IQGAP2: variants seen among roughly 807,000 people sequenced by gnomAD.
The protein encoded by IQGAP2 is ras GTPase-activating-like protein IQGAP2.
A neutral mutation model predicts 201.3 loss-of-function variants in IQGAP2; 173 were observed. The observed-to-expected ratio is 0.86, with a 90% CI of 0.76 to 0.98. The LOEUF is 0.98. IQGAP2 is among the 50% of genes least tolerant of loss of function. The probability of loss-of-function intolerance (pLI) is 0.00; values close to 1 mark genes in which losing one functional copy is unlikely to be tolerated. For missense variants in IQGAP2, 1,687 were observed against 1,864.8 expected (o/e 0.90, Z 1.76); for synonymous variants, 675 against 673.9 (o/e 1.00, Z -0.03).
chr5:76,645,757 T>A (rs2059219), intron 17 of IQGAP2, among the ~76,000 whole-genome samples: 94,293 of 151,630 alleles, frequency 0.62, 29,447 homozygotes, highest in South Asian at 0.78. Flanking sequence ...TACCAGAAAA[T>A]TTTACATAAA....
At chr5:76,566,557 T>C (rs1485689657) in intron 3 of IQGAP2, among the ~76,000 whole-genome samples, 2 of 152,128 alleles carry the variant, frequency 1.3e-5, no homozygotes, top group Non-Finnish European at 2.9e-5. Context: ...GATTTCATGC[T>C]ATGTTGAGGG....
intron 2 of IQGAP2, among the ~76,000 whole-genome samples, chr5:76,500,262 A>G (rs779632387): frequency 8.5e-5 from 13 of 152,230 alleles, no homozygotes; most frequent in Non-Finnish European, 1.5e-4. Flanking sequence ...GAATGCAGAT[A>G]CTGATTTAGA....
At chr5:76,442,585 C>G (rs1160873255) in intron 1 of IQGAP2, among the ~76,000 whole-genome samples, 2 of 152,134 alleles carry the variant, frequency 1.3e-5, no homozygotes, top group Non-Finnish European at 2.9e-5. Flanking sequence ...GCTACCTTGC[C>G]CAGGGATAAA....
intron 12 of IQGAP2, 100 bp downstream of exon 12, chr5:76,606,403 C>A: frequency 9.5e-7 from 1 of 1,049,468 alleles, no homozygotes; most frequent in South Asian, 2.2e-5. Context: ...GCTCAAGGAA[C>A]TTTGTGAGAG....
intron 9 of IQGAP2, among the ~76,000 whole-genome samples, chr5:76,594,130 T>C (rs557823244): frequency 6.6e-6 from 1 of 152,170 alleles, no homozygotes; most frequent in South Asian, 2.1e-4. Flanking sequence ...ATCTTGAACA[T>C]GTTACTGATG....
rs1051111210 is a variant in IQGAP2 at position 76,702,607 on chromosome 5, T to C, written c.4614+17T>C. Reference sequence around the variant, plus strand: ...AATATTCAGGTAAGCTGCTGGAATTTCTGCACATTGATGATAAATTTTATA... The same window carrying C: ...AATATTCAGGTAAGCTGCTGGAATTCCTGCACATTGATGATAAATTTTATA... On this transcript the variant is annotated intron_variant, in intron 35 of 35. Transcript: ENST00000274364. The C allele has an allele frequency of 5.2e-6, 6 of 1,152,998 alleles. No individual in the cohort carries two copies. The African/African-American group carries it at 7.6e-5, about 15-fold the overall frequency. The allele number at this position is 1,152,998 out of a possible 1,614,324, so 71.4% of individuals were successfully genotyped here. A position where few individuals can be genotyped will look rare whatever the true frequency, so the allele number is the denominator to read the frequency against.
At chr5:76,513,989 T>G (rs1215276790) in intron 2 of IQGAP2, among the ~76,000 whole-genome samples, 1 of 148,618 alleles carries the variant, frequency 6.7e-6, no homozygotes, top group Non-Finnish European at 1.5e-5. Context: ...AACCTAAAAC[T>G]GCTCAAAAGT....
In IQGAP2 at chr5:76,683,162, ACTGAGTGAATTG is replaced by A. The variant is rs746191896; in HGVS notation, c.3712_3723del (p.Ser1238_Leu1241del). ...CAATTGCCCCTGAGAAAAATGACTT[ACTGAGTGAATTG>A]CTGGGGTCGCTGGGAGAGGTGCCAA... On this transcript the variant is annotated inframe_deletion, in exon 29 of 36. Transcript: ENST00000274364. 1 of 1,612,878 alleles carries A rather than the reference ACTGAGTGAATTG, an allele frequency of 6.2e-7. No individual in the cohort carries two copies. Among genetic ancestry groups the A allele is most frequent in the South Asian group, 1.1e-5 (1 of 90,910 alleles).
intron 20 of IQGAP2, among the ~76,000 whole-genome samples, chr5:76,657,043 T>A (rs1234573109): frequency 1.3e-5 from 2 of 152,192 alleles, no homozygotes; most frequent in Non-Finnish European, 2.9e-5. Flanking sequence ...TCTGATTTCC[T>A]GAAATTAAAA....
At chr5:76,431,072 C>T (rs544629622) in intron 1 of IQGAP2, among the ~76,000 whole-genome samples, 69 of 151,954 alleles carry the variant, frequency 4.5e-4, no homozygotes, top group African/African-American at 1.5e-3. Flanking sequence ...TTTATCTTAA[C>T]GTGTACATAT....
chr5:76,545,892 T>C (rs1743062563), intron 2 of IQGAP2, among the ~76,000 whole-genome samples: 1 of 152,248 alleles, frequency 6.6e-6, no homozygotes. Flanking sequence ...AGTATTCCAT[T>C]TATATAATCA....
At position 76,517,604 on chromosome 5, in the gene IQGAP2, C is replaced by CAA. The variant is rs36102224; in HGVS notation, c.147-44774_147-44773dup. ...TGGGTGACAAAGTGAGACCCTGTTTCAAAAAAAAAAAAAAAAAAAGTAAGT... is the reference window on the plus strand; with the variant it reads ...TGGGTGACAAAGTGAGACCCTGTTTCAAAAAAAAAAAAAAAAAAAAAGTAAGT... On this transcript the variant is annotated intron_variant, in intron 2 of 35. Transcript: ENST00000274364. Among the ~76,000 whole-genome samples the CAA allele has an allele frequency of 4.2e-3, 351 of 83,298 alleles. 4 individuals are homozygous for CAA. The highest frequency in any genetic ancestry group is 0.014 in the African/African-American group (340 of 25,118). 54.6% of individuals were successfully genotyped at this position (83,298 alleles called of 152,430 possible).
At chr5:76,551,519 G>A (rs1318018810) in intron 2 of IQGAP2, among the ~76,000 whole-genome samples, 17 of 111,046 alleles carry the variant, frequency 1.5e-4, no homozygotes, top group Non-Finnish European at 7.8e-5. Flanking sequence ...GGAGGTGGAG[G>A]TTGTAGCGAG....
At chr5:76,461,507 T>C (rs1754454531) in intron 1 of IQGAP2, 63 bp from the exon 2 acceptor site, 1 of 1,098,732 alleles carries the variant, frequency 9.1e-7, no homozygotes, top group Non-Finnish European at 1.4e-6. Flanking sequence ...TTCTGATTGA[T>C]TGTCTCAGGT....
intron 11 of IQGAP2, among the ~76,000 whole-genome samples, chr5:76,602,157 A>G (rs1194681703): frequency 6.6e-6 from 1 of 152,080 alleles, no homozygotes; most frequent in African/African-American, 2.4e-5. Context: ...AACCACCCTC[A>G]CTTAGACTTC....
chr5:76,593,000 A>G, intron 9 of IQGAP2, 75 bp downstream of exon 9: 1 of 996,158 alleles, frequency 1.0e-6, no homozygotes, highest in African/African-American at 1.6e-5. Context: ...TCCCAACACA[A>G]CTCTCAATTT....
chr5:76,438,035 G>GTTTTTTTTTTT (rs71604291), intron 1 of IQGAP2, among the ~76,000 whole-genome samples: 2 of 68,600 alleles, frequency 2.9e-5, no homozygotes, highest in Non-Finnish European at 2.7e-5. Context: ...TTTTTTGTTT[G>GTTTTTTTTTTT]TTTTTTTTTT....
intron 2 of IQGAP2, among the ~76,000 whole-genome samples, chr5:76,496,313 G>C (rs950156314): frequency 6.6e-6 from 1 of 152,210 alleles, no homozygotes; most frequent in African/African-American, 2.4e-5. Flanking sequence ...GTTCTCATCT[G>C]TAGGCTCAGC....
chr5:76,640,836 C>T (rs1434763168), intron 16 of IQGAP2, 97 bp from the exon 17 acceptor site: 1 of 899,518 alleles, frequency 1.1e-6, no homozygotes. Flanking sequence ...AAGGAGACAT[C>T]CATATTATTT....
Sources: allele counts gnomAD v4.1 joint callset (sites outside exome capture counted in the v4.1 genomes callset), GRCh38; gene constraint gnomAD v4.1.1; transcripts MANE v1.5; gene names NCBI Gene and HGNC (gene_info 2026-07-23, HGNC 2026-07-21).